The following CCDC33 variants were observed in gnomAD, a reference collection of about 807,000 sequenced individuals.
CCDC33 encodes coiled-coil domain-containing protein 33.
Under a neutral mutation model 91.9 loss-of-function variants are expected in CCDC33, and 94 were observed. The ratio of observed to expected loss-of-function variants is 1.02; its 90% CI spans 0.87 to 1.21. The LOEUF (loss-of-function observed/expected upper bound fraction) is 1.21. CCDC33 is among the 50% of genes most tolerant of loss of function. CCDC33 has a pLI of 0.00. For missense variants in CCDC33, 940 were observed against 935.5 expected, an observed-to-expected ratio of 1.00 and a Z score of -0.06; for synonymous variants, 396 against 374.5, an observed-to-expected ratio of 1.06 and a Z score of -0.66.
chr15:74,282,620 C>T (rs1484225138), intron 10 of CCDC33, among the ~76,000 whole-genome samples: 14 of 152,190 alleles, frequency 9.2e-5, no homozygotes, highest in Admixed American at 6.5e-4. Flanking sequence ...ATGTAACAAA[C>T]ATAATCCCAG....
chr15:74,275,077 G>A (rs1463992637), intron 7 of CCDC33, among the ~76,000 whole-genome samples: 1 of 151,950 alleles, frequency 6.6e-6, no homozygotes, highest in Admixed American at 6.6e-5. Context: ...TTCCCTTTGA[G>A]CGTCAGTCCC....
chr15:74,226,827 CAA>C (rs1167716008), intron 2 of CCDC33, among the ~76,000 whole-genome samples: 22 of 83,644 alleles, frequency 2.6e-4, no homozygotes, highest in Admixed American at 4.0e-4. Context: ...GACTCCATCT[CAA>C]AAAAAAAAAA....
Position 74,236,365 on chromosome 15 carries a change from C to T in CCDC33, c.-355C>T, listed in dbSNP as rs147197621. ...CTGGGCAGAGACAGGGCCCCCCTGCCCCATCTCTCCACCGTCCTAGGTGTG... is the reference window on the plus strand; with the variant it reads ...CTGGGCAGAGACAGGGCCCCCCTGCTCCATCTCTCCACCGTCCTAGGTGTG... On this transcript the variant is annotated 5_prime_UTR_variant, in exon 1 of 19. Coordinates refer to ENST00000398814, the MANE Select transcript of CCDC33 (RefSeq NM_025055.5). 651 of 270,464 alleles carry T rather than the reference C, an allele frequency of 2.4e-3. 1 individual carries two copies. Among genetic ancestry groups the T allele is most frequent in the Non-Finnish European group, 3.7e-3 (529 of 143,828 alleles). 16.8% of individuals were successfully genotyped at this position (270,464 alleles called of 1,614,324 possible).
intron 11 of CCDC33, among the ~76,000 whole-genome samples, chr15:74,310,942 G>A (rs1178118872): frequency 6.6e-6 from 1 of 152,236 alleles, no homozygotes; most frequent in Admixed American, 6.5e-5. Flanking sequence ...GAAGCACTTT[G>A]TGAAGCTCTG....
At chr15:74,280,582 A>G in intron 8 of CCDC33, 86 bp from the exon 9 acceptor site, 1 of 1,393,606 alleles carries the variant, frequency 7.2e-7, no homozygotes, top group Non-Finnish European at 9.4e-7. Context: ...AGGCAGCGGG[A>G]GACAGGAGGA....
At position 74,324,947 on chromosome 15, in the gene CCDC33, C is replaced by T. The variant is rs141491175; in HGVS notation, c.1291-5242C>T. ...ACCAAAAGGCCCCAGACTTCTCCCA[C>T]TCCTCCCCCTCCTCCCCCACCTCCT... On this transcript the variant is annotated intron_variant, in intron 11 of 18. Transcript: ENST00000398814. 8.3e-3 allele frequency among the ~76,000 whole-genome samples: 1,238 copies of T among 148,666 alleles called. 12 individuals are homozygous for T. Among genetic ancestry groups the T allele is most frequent in the African/African-American group, 0.02 (796 of 39,860 alleles).
chr15:74,213,352 CAG>C (rs2142128667), upstream of CCDC33: 1 of 152,428 alleles, frequency 6.6e-6, no homozygotes, highest in South Asian at 2.1e-4. Flanking sequence ...GGAAGAAATC[CAG>C]AGAGACAGGC....
intron 11 of CCDC33, among the ~76,000 whole-genome samples, chr15:74,320,841 T>C (rs2060192848): frequency 6.6e-6 from 1 of 152,036 alleles, no homozygotes; most frequent in African/African-American, 2.4e-5. Context: ...GCCTGCCCTC[T>C]GGTGGTGATG....
At chr15:74,207,813 C>G in intron 1 of CCDC33, 1 of 1,535,478 alleles carries the variant, frequency 6.5e-7, no homozygotes, top group Non-Finnish European at 8.7e-7. Context: ...CACACACATC[C>G]AACTGCCCTT....
At chr15:74,281,935 A>G (rs931212284) in intron 10 of CCDC33, 86 bp downstream of exon 10, 38 of 1,237,996 alleles carry the variant, frequency 3.1e-5, no homozygotes, top group Non-Finnish European at 4.3e-5. Context: ...GGCTTTGTTC[A>G]GGGACTTCTG....
intron 11 of CCDC33, chr15:74,318,697 G>A (rs750070007): frequency 2.7e-5 from 20 of 742,238 alleles, no homozygotes; most frequent in Non-Finnish European, 4.3e-5. Flanking sequence ...GGGAAGATGG[G>A]TTGGCTCGCC....
intron 1 of CCDC33, chr15:74,209,278 A>G (rs1006917202): frequency 5.4e-6 from 7 of 1,289,580 alleles, no homozygotes; most frequent in Admixed American, 2.0e-5. Context: ...GAGTCACCTC[A>G]GTGGAGAAGC....
rs138492382 is a variant in CCDC33 at position 74,334,824 on chromosome 15, C to A, written c.2026-151C>A. On this transcript the variant is annotated intron_variant, in intron 17 of 18. Coordinates refer to ENST00000398814, the MANE Select transcript of CCDC33 (RefSeq NM_025055.5). ...GTTTGGCCCCCTCACCCTCACCCCG[C>A]CACCCCTGAGGTCTCGGGAAGGTGT... 9 of 668,516 alleles carry A rather than the reference C, an allele frequency of 1.3e-5. No individual in the cohort carries two copies. The Admixed American group carries it at 2.2e-4, about 17-fold the overall frequency. 41.4% of individuals were successfully genotyped at this position (668,516 alleles called of 1,614,324 possible). A position where few individuals can be genotyped will look rare whatever the true frequency, so the allele number is the denominator to read the frequency against.
At chr15:74,232,335 T>C (rs1184819721), upstream of CCDC33, among the ~76,000 whole-genome samples, 2 of 152,134 alleles carry the variant, frequency 1.3e-5, no homozygotes, top group Non-Finnish European at 2.9e-5. Context: ...GGGTGGGGTT[T>C]AGGAAAAACA....
chr15:74,330,568 C>T lies in CCDC33; in HGVS notation c.1457-95C>T, dbSNP rs1023467983. On this transcript the variant is annotated intron_variant, in intron 12 of 18. Coordinates refer to ENST00000398814, the MANE Select transcript of CCDC33 (RefSeq NM_025055.5). Reference sequence around the variant, plus strand: ...AGAATCCAGTCCCGTCCCAAGCCCTCGGGCCAAGGGATATCTGCCTTCCTG... The same window carrying T: ...AGAATCCAGTCCCGTCCCAAGCCCTTGGGCCAAGGGATATCTGCCTTCCTG... 46 of 1,182,556 alleles carry T rather than the reference C, an allele frequency of 3.9e-5. No homozygotes were observed. In the African/African-American group the frequency reaches 4.6e-4, roughly 12 times the overall value. The allele number at this position is 1,182,556 out of a possible 1,614,324, so 73.3% of individuals were successfully genotyped here. A position where few individuals can be genotyped will look rare whatever the true frequency, so the allele number is the denominator to read the frequency against.
chr15:74,333,852 C>G (rs1298093557), intron 16 of CCDC33, 29 bp from the exon 17 acceptor site: 2 of 1,589,554 alleles, frequency 1.3e-6, no homozygotes, highest in South Asian at 2.2e-5. Flanking sequence ...CCAGCTGGGG[C>G]CAAATGTGAG....
intron 10 of CCDC33, among the ~76,000 whole-genome samples, chr15:74,284,746 G>A (rs1344403608): frequency 6.6e-6 from 1 of 152,214 alleles, no homozygotes; most frequent in Non-Finnish European, 1.5e-5. Flanking sequence ...GGGCTATTTG[G>A]ACTCCTCATG....
In CCDC33 at chr15:74,266,721, G is replaced by T. The variant is rs2076174928; in HGVS notation, c.363G>T (p.Leu121Phe). The stretch of plus-strand genomic sequence containing the variant: ...TGGACAACAGAAAGAAACAGGAGTT[G>T]TTGTCCTACAAAATCCCCATCAAGT... The part of the protein sequence containing the change: ...KVVDNRKKQE[L>F]LSYKIPIKYL... The change falls in exon 4 of 19, where the codon TTG becomes TTT. Residue 121 changes from leucine (L) to phenylalanine (F), a missense_variant. By Grantham distance (22) the Leu-to-Phe change is conservative. Transcript: ENST00000398814. The T allele has an allele frequency of 6.2e-7, 1 of 1,614,078 alleles. No individual in the cohort carries two copies. The highest frequency in any genetic ancestry group is 1.1e-5 in the South Asian group (1 of 91,088).
chr15:74,299,730 C>T (rs1380094789), intron 11 of CCDC33: 1 of 152,452 alleles, frequency 6.6e-6, no homozygotes, highest in Non-Finnish European at 1.5e-5. Flanking sequence ...GTATGCCCCT[C>T]TCCCTTACCC....
Sources: allele counts gnomAD v4.1 joint callset (sites outside exome capture counted in the v4.1 genomes callset), GRCh38; gene constraint gnomAD v4.1.1; transcripts MANE v1.5; gene names NCBI Gene and HGNC (gene_info 2026-07-23, HGNC 2026-07-21).